KIAA1549: variants seen among roughly 807,000 people sequenced by gnomAD.
The protein encoded by KIAA1549 is UPF0606 protein KIAA1549.
KIAA1549 carries 70 observed loss-of-function variants against 156.4 expected under a neutral mutation model. The observed-to-expected ratio is 0.45, with a 90% CI of 0.37 to 0.55. KIAA1549 has a LOEUF of 0.55. KIAA1549 is among the 20% of genes least tolerant of loss of function. The pLI is 0.00. For synonymous variants in KIAA1549, 1,103 were observed against 1,066.4 expected, an observed-to-expected ratio of 1.03 and a Z score of -0.67; for missense variants, 2,428 against 2,540.9, an observed-to-expected ratio of 0.96 and a Z score of 0.96.
At chr7:138,936,960 T>A (rs2130514841) in intron 1 of KIAA1549, among the ~76,000 whole-genome samples, 1 of 152,096 alleles carries the variant, frequency 6.6e-6, no homozygotes, top group East Asian at 1.9e-4. Flanking sequence ...AGCTGATCAA[T>A]CAATTCTGTA....
chr7:138,919,245 T>C lies in KIAA1549; in HGVS notation c.381A>G (p.Lys127=). ...TFDTAFFNQG[K]QTKSTADPSI... ...TGGGATCTGCTGTACTTTTGGTCTG[T>C]TTTCCTTGGTTAAAAAAGGCTGTAT... Residue 127 remains lysine (K), a synonymous_variant, in exon 2 of 20, where the codon AAA becomes AAG. Transcript: ENST00000422774. 6.2e-7 allele frequency: 1 copy of C among 1,613,986 alleles called. No homozygotes were observed. The highest frequency in any genetic ancestry group is 8.5e-7 in the Non-Finnish European group (1 of 1,179,892).
At chr7:138,949,835 C>A (rs1813442009) in intron 1 of KIAA1549, among the ~76,000 whole-genome samples, 1 of 152,220 alleles carries the variant, frequency 6.6e-6, no homozygotes, top group Admixed American at 6.5e-5. Flanking sequence ...CATTCTAATA[C>A]ATCTGAGCCA....
intron 1 of KIAA1549, among the ~76,000 whole-genome samples, chr7:138,925,450 G>A (rs927652854): frequency 6.6e-6 from 1 of 152,074 alleles, no homozygotes; most frequent in Non-Finnish European, 1.5e-5. Flanking sequence ...GGGGCTGAAG[G>A]CTCTTCATAC....
rs1163889306 is a variant in KIAA1549 at position 138,917,487 on chromosome 7, A to G, written c.2139T>C (p.Arg713=). The G allele has an allele frequency of 2.5e-6, 4 of 1,613,820 alleles. No individual in the cohort carries two copies. The Admixed American group carries it at 6.7e-5, about 27-fold the overall frequency. Reference sequence around the variant, plus strand: ...AGCTTGACCATGGTGACACCTCAGAACGGCTAGGTAGCAACATGATGGTGT... The same window carrying G: ...AGCTTGACCATGGTGACACCTCAGAGCGGCTAGGTAGCAACATGATGGTGT... ...PLNTIMLLPS[R]SEVSPWSSFP... The change falls in exon 2 of 20, where the codon CGT becomes CGC. Residue 713 remains arginine, a synonymous_variant. Transcript: ENST00000422774.
At chr7:138,897,871 T>C (rs1441055252) in intron 9 of KIAA1549, among the ~76,000 whole-genome samples, 2 of 103,336 alleles carry the variant, frequency 1.9e-5, no homozygotes, top group East Asian at 2.9e-4. Context: ...CCAGCCTGGG[T>C]GACAGAGCAA....
chr7:138,919,422 T>C lies in KIAA1549; in HGVS notation c.204A>G (p.Glu68=), dbSNP rs769150417. Residue 68 remains glutamate (E), a synonymous_variant, in exon 2 of 20, where the codon GAA becomes GAG. Coordinates refer to ENST00000422774, the MANE Select transcript of KIAA1549 (RefSeq NM_001164665.2). ...ASCAPDELSP[E]QHNLSLYSME... is the part of the protein sequence containing the mutation. ...TGGAGTATAAAGAAAGGTTGTGCTG[T>C]TCCGGAGAGAGCTCATCTATCAAGA... 15 of 1,613,484 alleles carry C rather than the reference T, an allele frequency of 9.3e-6. No individual in the cohort carries two copies. In the South Asian group the frequency reaches 1.5e-4, roughly 17 times the overall value.
chr7:138,861,699 A>G (rs1028983711), intron 15 of KIAA1549, among the ~76,000 whole-genome samples: 5 of 151,384 alleles, frequency 3.3e-5, no homozygotes, highest in African/African-American at 4.9e-5. Flanking sequence ...CTAAAAAAAA[A>G]AAAAAAGAAA....
rs753253125 is a variant in KIAA1549 at position 138,869,695 on chromosome 7, T to C, written c.4618A>G (p.Lys1540Glu). The C allele has an allele frequency of 9.9e-6, 16 of 1,612,080 alleles. No homozygotes were observed. The highest frequency in any genetic ancestry group is 1.4e-5 in the Non-Finnish European group (16 of 1,179,828). ...HHRNKIRLRA[K>E]RRGHYEFPVV... ...GGGAACTCGTAGTGCCCGCGGCGCT[T>C]GGCGCGCAGGCGGATCTTGTTGCGA... The change falls in exon 14 of 20, where the codon AAG becomes GAG. Residue 1540 changes from lysine (K) to glutamate (E), a missense_variant. Lys to Glu is a moderately conservative substitution (Grantham distance 56). Around this residue, in one of 5 missense-constraint regions of KIAA1549, gnomAD observed 404 missense variants for 417.0 expected, o/e 0.97. Coordinates refer to ENST00000422774, the MANE Select transcript of KIAA1549 (RefSeq NM_001164665.2).
At chr7:138,851,313 T>C (rs993530195) in intron 17 of KIAA1549, among the ~76,000 whole-genome samples, 2 of 152,192 alleles carry the variant, frequency 1.3e-5, no homozygotes, top group African/African-American at 4.8e-5. Context: ...TTCCTTATTA[T>C]TTTATATTTA....
rs528342767 is a variant in KIAA1549 at position 138,867,847 on chromosome 7, CCATCAGG to C, written c.4929+121_4929+127del. The C allele has an allele frequency of 2.2e-4, 222 of 997,574 alleles. 2 individuals are homozygous for C. In the South Asian group the frequency reaches 3.5e-3, roughly 16 times the overall value. The allele number at this position is 997,574 out of a possible 1,614,324, so 61.8% of individuals were successfully genotyped here. On this transcript the variant is annotated intron_variant, in intron 15 of 19. Coordinates refer to ENST00000422774, the MANE Select transcript of KIAA1549 (RefSeq NM_001164665.2). ...GACCTAGAGGGCCCTGGTGCATCAG[CCATCAGG>C]CATCAGGCACTGATACCACACAGGG... is the stretch of plus-strand genomic sequence containing the variant.
Position 138,919,438 on chromosome 7 carries a change from T to A in KIAA1549, c.188A>T (p.Asp63Val), listed in dbSNP as rs1476550910. 1.9e-6 allele frequency: 3 copies of A among 1,611,058 alleles called. No homozygotes were observed. The African/African-American group carries it at 4.0e-5, about 22-fold the overall frequency. Residue 63 changes from aspartate to valine, a missense_variant and splice_region_variant, in exon 2 of 20, where the codon GAT becomes GTT. Physicochemically the swap from Asp to Val is radical, Grantham distance 152. Transcript: ENST00000422774. ...GTTGTGCTGTTCCGGAGAGAGCTCATCTATCAAGAAAATCAGAGCTGGGTT... is the reference window on the plus strand; with the variant it reads ...GTTGTGCTGTTCCGGAGAGAGCTCAACTATCAAGAAAATCAGAGCTGGGTT... ...LLARPASCAP[D>V]ELSPEQHNLS...
intron 1 of KIAA1549, among the ~76,000 whole-genome samples, chr7:138,969,686 G>A (rs1042936151): frequency 5.3e-5 from 8 of 152,032 alleles, no homozygotes; most frequent in South Asian, 2.1e-4. Flanking sequence ...TCTGCTTCCC[G>A]GGATCAAGCA....
chr7:138,896,578 T>C (rs1013952962), intron 9 of KIAA1549, among the ~76,000 whole-genome samples: 21 of 151,758 alleles, frequency 1.4e-4, no homozygotes, highest in Non-Finnish European at 3.1e-4. Flanking sequence ...TTCTTAGTTC[T>C]TTTGTGGGTG....
At chr7:138,941,266 T>A (rs1813176437) in intron 1 of KIAA1549, among the ~76,000 whole-genome samples, 1 of 152,192 alleles carries the variant, frequency 6.6e-6, no homozygotes. Flanking sequence ...CACAAATCAT[T>A]GACCCTGTGA....
chr7:138,932,338 A>G (rs1430557810), intron 1 of KIAA1549, among the ~76,000 whole-genome samples: 1 of 152,164 alleles, frequency 6.6e-6, no homozygotes, highest in East Asian at 1.9e-4. Flanking sequence ...GCAGAGGGGC[A>G]GTACTAGGAA....
At chr7:138,961,743 G>A (rs1813855711) in intron 1 of KIAA1549, among the ~76,000 whole-genome samples, 1 of 151,908 alleles carries the variant, frequency 6.6e-6, no homozygotes, top group African/African-American at 2.4e-5. Flanking sequence ...TTGGGAGGCT[G>A]AGGCAGGAGA....
chr7:138,921,476 A>T (rs1170160722), intron 1 of KIAA1549, among the ~76,000 whole-genome samples: 1 of 152,206 alleles, frequency 6.6e-6, no homozygotes, highest in African/African-American at 2.4e-5. Context: ...ATATGACCAT[A>T]TTCGGAAACA....
chr7:138,944,651 C>T (rs1476198620), intron 1 of KIAA1549, among the ~76,000 whole-genome samples: 2 of 151,486 alleles, frequency 1.3e-5, no homozygotes, highest in African/African-American at 4.9e-5. Flanking sequence ...AAATGTCCAC[C>T]AACTAATGAA....
intron 1 of KIAA1549, among the ~76,000 whole-genome samples, chr7:138,927,584 G>A (rs1812757400): frequency 6.6e-6 from 1 of 152,260 alleles, no homozygotes; most frequent in African/African-American, 2.4e-5. Context: ...GTTGCAGTGA[G>A]CCGAAACTGT....
Sources: gnomAD v4.1 joint callset for allele counts (sites outside exome capture counted in the v4.1 genomes callset) on GRCh38, gnomAD v4.1.1 for gene constraint, gnomAD v4.1.1 regional missense constraint, MANE v1.5 for transcripts, NCBI Gene and HGNC (gene_info 2026-07-23, HGNC 2026-07-21) for gene names.